Variants in PLXDC1 observed in about 807,000 individuals in gnomAD.
PLXDC1 encodes plexin domain containing 1, also known as plexin domain-containing protein 1.
PLXDC1 carries 39 observed loss-of-function variants against 61.3 expected under a neutral mutation model. The ratio of observed to expected loss-of-function variants is 0.64; its 90% CI spans 0.49 to 0.83. PLXDC1 has a LOEUF of 0.83. Among genes scored for constraint, PLXDC1 ranks in the 40% least tolerant of loss-of-function variants. PLXDC1 has a pLI of 0.00. For missense variants in PLXDC1, 596 were observed against 666.5 expected (o/e 0.89, Z 1.17); for synonymous variants, 212 against 254.5 (o/e 0.83, Z 1.59).
At chr17:39,091,396 C>T (rs1339528435) in intron 7 of PLXDC1, among the ~76,000 whole-genome samples, 1 of 152,200 alleles carries the variant, frequency 6.6e-6, no homozygotes, top group Non-Finnish European at 1.5e-5. Flanking sequence ...AGGATGACAG[C>T]TCCAGCCCTG....
rs111598775 is a variant in PLXDC1, at chr17:39,072,639, A to G, written c.1187-154T>C. 1,092 of 666,184 alleles carry G rather than the reference A, an allele frequency of 1.6e-3. 13 individuals carry two copies. The African/African-American group carries it at 0.017, about 11-fold the overall frequency. 41.3% of individuals were successfully genotyped at this position (666,184 alleles called of 1,614,324 possible). ...AGGGGAGGAGACTTGCTCAAGTCAC[A>G]CAGCAGTTGAGTGTAGCTGGAGGCT... is the stretch of plus-strand genomic sequence containing the variant. On this transcript the variant is annotated intron_variant, in intron 11 of 13. Transcript: ENST00000315392.
intron 2 of PLXDC1, among the ~76,000 whole-genome samples, chr17:39,117,339 TG>T (rs1394616397): frequency 2.6e-5 from 4 of 152,118 alleles, no homozygotes; most frequent in Non-Finnish European, 4.4e-5. Flanking sequence ...AAACACCAGC[TG>T]GGGGGTAGGA....
chr17:39,111,948 T>C (rs1243658867), intron 2 of PLXDC1: 1 of 152,254 alleles, frequency 6.6e-6, no homozygotes, highest in Admixed American at 6.5e-5. Context: ...TTAGCCTCCC[T>C]CGGGAAAGCA....
chr17:39,151,570 C>G lies in PLXDC1; in HGVS notation c.-133G>C. The stretch of plus-strand genomic sequence containing the variant: ...CGGGCGGCGAGGAGACGGCGGAGCG[C>G]GGGGCCGGGCGAGCCGGCAGGAGCG... On this transcript the variant is annotated 5_prime_UTR_variant, in exon 1 of 14. Transcript: ENST00000315392. This position sits in a 1 kb window ranked among gnomAD's most constrained non-coding sequence, Gnocchi z 5.2. 1 of 1,173,784 alleles carries G rather than the reference C, an allele frequency of 8.5e-7. No homozygotes were observed. The highest frequency in any genetic ancestry group is 4.2e-5 in the South Asian group (1 of 23,710). The allele number at this position is 1,173,784 out of a possible 1,614,324, so 72.7% of individuals were successfully genotyped here.
chr17:39,111,270 C>T (rs568333074), intron 2 of PLXDC1, among the ~76,000 whole-genome samples: 54 of 152,208 alleles, frequency 3.5e-4, no homozygotes, highest in African/African-American at 1.3e-3. Context: ...GGTCATTCAA[C>T]ACTCGGCTTA....
chr17:39,085,691 G>C (rs763482337), intron 8 of PLXDC1, among the ~76,000 whole-genome samples: 4 of 152,086 alleles, frequency 2.6e-5, no homozygotes, highest in Admixed American at 2.6e-4. Context: ...TACAGAATAC[G>C]ATGGCTTGGA....
At chr17:39,126,657 C>T (rs1346661352) in intron 2 of PLXDC1, among the ~76,000 whole-genome samples, 1 of 152,134 alleles carries the variant, frequency 6.6e-6, no homozygotes, top group Non-Finnish European at 1.5e-5. Flanking sequence ...ACTCAGAGCC[C>T]ATTCTATCAC....
At chr17:39,088,975 G>GAGAGAA (rs1206848973) in intron 7 of PLXDC1, among the ~76,000 whole-genome samples, 230 of 122,452 alleles carry the variant, frequency 1.9e-3, no homozygotes, top group African/African-American at 6.4e-3. Context: ...GAGAGAGAGA[G>GAGAGAA]AAAAAGAAAG....
intron 8 of PLXDC1, among the ~76,000 whole-genome samples, chr17:39,084,546 G>A (rs1317691276): frequency 2.2e-4 from 33 of 152,236 alleles, no homozygotes; most frequent in Admixed American, 2.2e-3. Context: ...CGGTCCATGG[G>A]GAGAAAACAG....
intron 7 of PLXDC1, among the ~76,000 whole-genome samples, chr17:39,094,385 G>C (rs1055250683): frequency 2.0e-5 from 3 of 152,154 alleles, no homozygotes; most frequent in African/African-American, 7.2e-5. Context: ...ATAGGTTCTA[G>C]AGTCCAATGT....
At chr17:39,134,470 C>G (rs113848965) in intron 2 of PLXDC1, among the ~76,000 whole-genome samples, 3 of 150,108 alleles carry the variant, frequency 2.0e-5, no homozygotes, top group African/African-American at 7.4e-5. Flanking sequence ...TACTGAAATA[C>G]AAAAAATTAG....
intron 11 of PLXDC1, among the ~76,000 whole-genome samples, chr17:39,076,607 T>C (rs1909347008): frequency 6.6e-6 from 1 of 152,118 alleles, no homozygotes; most frequent in African/African-American, 2.4e-5. Context: ...TTTCCTTTCC[T>C]TCTTGCCATT....
At chr17:39,101,777 G>GAATTTGCATAGATTTCTATGCAAAT (rs1190195119) in intron 7 of PLXDC1, among the ~76,000 whole-genome samples, 3 of 152,136 alleles carry the variant, frequency 2.0e-5, no homozygotes, top group Non-Finnish European at 2.9e-5. Context: ...CTTTCTAGTA[G>GAATTTGCATAGATTTCTATGCAAAT]CATATGCAAA....
rs1400935310 is a variant in PLXDC1, at chr17:39,065,367, T to C, written c.*2473A>G. 1 of 150,730 alleles carries C rather than the reference T, an allele frequency of 6.6e-6. No individual in the cohort carries two copies. The highest frequency in any genetic ancestry group is 2.4e-5 in the African/African-American group (1 of 40,944). The allele number at this position is 150,730 out of a possible 1,614,324, so 9.3% of individuals were successfully genotyped here. ...AGTTAATGATTGTCTACAGGATCCCTGACAATGTAAGCATTTCTTTTTCCG... is the reference window on the plus strand; with the variant it reads ...AGTTAATGATTGTCTACAGGATCCCCGACAATGTAAGCATTTCTTTTTCCG... On this transcript the variant is annotated 3_prime_UTR_variant, in exon 14 of 14. Transcript: ENST00000315392.
chr17:39,132,273 T>C (rs760895891), intron 2 of PLXDC1, among the ~76,000 whole-genome samples: 4 of 152,130 alleles, frequency 2.6e-5, no homozygotes, highest in African/African-American at 7.2e-5. Context: ...TGAGAATAAA[T>C]TGTGGCACAT....
chr17:39,102,485 G>T (rs947480776), intron 7 of PLXDC1, among the ~76,000 whole-genome samples: 1 of 151,798 alleles, frequency 6.6e-6, no homozygotes, highest in Non-Finnish European at 1.5e-5. Flanking sequence ...TCACACGGGG[G>T]CATGAAAGTA....
At chr17:39,087,766 C>G in intron 7 of PLXDC1, 64 bp from the exon 8 acceptor site, 1 of 1,173,554 alleles carries the variant, frequency 8.5e-7, no homozygotes, top group Non-Finnish European at 1.2e-6. Context: ...GAGGCCTCTT[C>G]CCGGACAGTC....
chr17:39,114,609 A>G (rs889388164), intron 2 of PLXDC1, among the ~76,000 whole-genome samples: 1 of 152,194 alleles, frequency 6.6e-6, no homozygotes, highest in Admixed American at 6.5e-5. Context: ...TATGTGTTCA[A>G]TGGAGGATTT....
In PLXDC1 at chr17:39,128,216, T is replaced by G. The variant is rs552662261; in HGVS notation, c.255+11438A>C. Among the ~76,000 whole-genome samples, 130 of 148,416 alleles carry G rather than the reference T, an allele frequency of 8.8e-4. 5 individuals are homozygous for G. Among genetic ancestry groups the G allele is most frequent in the Middle Eastern group, 3.5e-3 (1 of 282 alleles). On this transcript the variant is annotated intron_variant, in intron 2 of 13. Coordinates refer to ENST00000315392, the MANE Select transcript of PLXDC1 (RefSeq NM_020405.5). ...ATATATATGTATATATATGTGTGTG[T>G]GTATATATATATTTTTTTGAGACAG...
Sources: allele counts gnomAD v4.1 joint callset (sites outside exome capture counted in the v4.1 genomes callset), GRCh38; gene constraint gnomAD v4.1.1; non-coding constraint Gnocchi (gnomAD v3.1); transcripts MANE v1.5; gene names NCBI Gene and HGNC (gene_info 2026-07-23, HGNC 2026-07-21).